The following LINGO2 variants were observed in gnomAD, a reference collection of about 807,000 sequenced individuals.
The protein encoded by LINGO2 is leucine-rich repeat and immunoglobulin-like domain-containing nogo receptor-interacting protein 2.
Under a neutral mutation model 30.6 loss-of-function variants are expected in LINGO2, and 14 were observed. That is an observed-to-expected ratio of 0.46 (90% CI 0.30 to 0.72). LINGO2 has a LOEUF of 0.72. LINGO2 is among the 30% of genes least tolerant of loss of function. The probability of loss-of-function intolerance (pLI) is 0.07; values close to 1 mark genes in which losing one functional copy is unlikely to be tolerated. For missense variants in LINGO2, 729 were observed against 751.7 expected, an observed-to-expected ratio of 0.97 and a Z score of 0.35; for synonymous variants, 317 against 288.5, an observed-to-expected ratio of 1.10 and a Z score of -1.00.
the LINGO2 span, among the ~76,000 whole-genome samples, chr9:29,076,246 T>C: frequency 9.9e-5 from 15 of 152,188 alleles, no homozygotes; most frequent in South Asian, 3.1e-3. Flanking sequence ...TATATTTCAT[T>C]ACAAAGCAAC....
intron 4 of LINGO2, among the ~76,000 whole-genome samples, chr9:28,280,581 T>G (rs1823285501): frequency 6.6e-6 from 1 of 152,142 alleles, no homozygotes. Context: ...TAAGACAATG[T>G]CCTTTTACTC....
rs539856170 is a variant in LINGO2 at position 28,370,524 on chromosome 9, A to G, written c.-246+2312T>C. On this transcript the variant is annotated intron_variant, in intron 3 of 5. Transcript: ENST00000379992. ...TTAGAATAATAATGAACTGCACAAC[A>G]TTTACCTAAACTTTATAAATATGGT... 4.9e-4 allele frequency among the ~76,000 whole-genome samples: 74 copies of G among 152,296 alleles called. 1 individual carries two copies. The South Asian group carries it at 0.014, about 30-fold the overall frequency.
chr9:28,513,581 T>G (rs946554573), intron 1 of LINGO2, among the ~76,000 whole-genome samples: 1 of 152,220 alleles, frequency 6.6e-6, no homozygotes, highest in Admixed American at 6.5e-5. Flanking sequence ...TGAGATAGTT[T>G]GTTAGAAATG....
chr9:28,430,433 C>T (rs557360739), intron 2 of LINGO2, among the ~76,000 whole-genome samples: 1 of 152,166 alleles, frequency 6.6e-6, no homozygotes, highest in Non-Finnish European at 1.5e-5. Flanking sequence ...TGACAAAATA[C>T]ACCATACTGT....
intron 2 of LINGO2, among the ~76,000 whole-genome samples, chr9:28,403,700 C>T (rs1052184146): frequency 1.3e-5 from 2 of 150,730 alleles, no homozygotes; most frequent in Non-Finnish European, 2.9e-5. Context: ...TCCTGGACGC[C>T]CAGAATAATA....
the LINGO2 span, among the ~76,000 whole-genome samples, chr9:28,970,619 T>TGTTA: frequency 4.6e-5 from 7 of 152,026 alleles, no homozygotes; most frequent in Non-Finnish European, 8.8e-5. Context: ...TGGGCCGTGT[T>TGTTA]GTTAGAGCAG....
chr9:28,091,619 C>T (rs1826090413), intron 4 of LINGO2, among the ~76,000 whole-genome samples: 1 of 152,116 alleles, frequency 6.6e-6, no homozygotes, highest in African/African-American at 2.4e-5. Context: ...CTAGGCAATA[C>T]CATTCAGGAC....
the LINGO2 span, among the ~76,000 whole-genome samples, chr9:28,784,924 G>A: frequency 6.6e-6 from 1 of 150,862 alleles, no homozygotes; most frequent in Non-Finnish European, 1.5e-5. Flanking sequence ...CTCCAGCCTG[G>A]CGACAGAGCG....
rs1254571402 is a variant in LINGO2 at position 28,356,225 on chromosome 9, A to AT, written c.-246+16610dup. Among the ~76,000 whole-genome samples the AT allele has an allele frequency of 4.6e-5, 7 of 152,092 alleles. No individual in the cohort carries two copies. The East Asian group carries it at 7.7e-4, about 17-fold the overall frequency. On this transcript the variant is annotated intron_variant, in intron 3 of 5. Transcript: ENST00000379992. ...TCCAATATACATTACAGATGTAGAG[A>AT]TTTTTTTAAAAAAAATCATTGAATA...
chr9:28,879,965 T>C, the LINGO2 span, among the ~76,000 whole-genome samples: 2 of 152,208 alleles, frequency 1.3e-5, no homozygotes, highest in Non-Finnish European at 2.9e-5. Flanking sequence ...CTAATACTTA[T>C]TTACTTAAAT....
At chr9:29,203,624 T>C in the LINGO2 span, among the ~76,000 whole-genome samples, 1 of 152,184 alleles carries the variant, frequency 6.6e-6, no homozygotes, top group African/African-American at 2.4e-5. Flanking sequence ...TTGTTGAAGA[T>C]GTTGAGATCA....
At chr9:29,085,433 G>A in the LINGO2 span, among the ~76,000 whole-genome samples, 1 of 151,626 alleles carries the variant, frequency 6.6e-6, no homozygotes, top group Non-Finnish European at 1.5e-5. Context: ...TCTAACCTAA[G>A]CTATGAATTC....
chr9:29,149,317 C>T, the LINGO2 span, among the ~76,000 whole-genome samples: 795 of 152,072 alleles, frequency 5.2e-3, 7 homozygotes, highest in Non-Finnish European at 5.1e-3. Flanking sequence ...TGCCAAACTC[C>T]ACCTCAAGAA....
intron 4 of LINGO2, among the ~76,000 whole-genome samples, chr9:28,181,093 C>T (rs1476453191): frequency 6.6e-6 from 1 of 152,068 alleles, no homozygotes; most frequent in East Asian, 1.9e-4. Flanking sequence ...TAAGCTGTTA[C>T]AGCTGGCCAA....
At chr9:27,981,260 T>C (rs1411869451) in intron 5 of LINGO2, among the ~76,000 whole-genome samples, 1 of 151,756 alleles carries the variant, frequency 6.6e-6, no homozygotes, top group Non-Finnish European at 1.5e-5. Context: ...TCCCATGTTT[T>C]ATCTCACCTA....
intron 3 of LINGO2, among the ~76,000 whole-genome samples, chr9:28,305,270 T>C (rs1056298235): frequency 3.9e-5 from 6 of 152,080 alleles, no homozygotes; most frequent in Non-Finnish European, 8.8e-5. Context: ...GCTAATATTA[T>C]ACTTGATGAA....
At chr9:28,697,182 A>T in the LINGO2 span, among the ~76,000 whole-genome samples, 3 of 151,918 alleles carry the variant, frequency 2.0e-5, no homozygotes. Flanking sequence ...TAGAGTGGAA[A>T]TTCAATTTAA....
At chr9:27,995,663 C>T (rs1489561952) in intron 5 of LINGO2, among the ~76,000 whole-genome samples, 1 of 152,166 alleles carries the variant, frequency 6.6e-6, no homozygotes, top group African/African-American at 2.4e-5. Flanking sequence ...TTTTACATCA[C>T]TGCATGGTAA....
chr9:28,238,216 T>C (rs189913045), intron 4 of LINGO2, among the ~76,000 whole-genome samples: 555 of 152,034 alleles, frequency 3.7e-3, no homozygotes, highest in Middle Eastern at 0.017. Flanking sequence ...ACTTTAAACA[T>C]TGGAAATATT....
Sources: allele counts gnomAD v4.1 joint callset (sites outside exome capture counted in the v4.1 genomes callset), GRCh38; gene constraint gnomAD v4.1.1; transcripts MANE v1.5; gene names NCBI Gene and HGNC (gene_info 2026-07-23, HGNC 2026-07-21).